Variants in ATR observed in about 807,000 individuals in gnomAD.
ATR encodes the protein serine/threonine-protein kinase ATR.
A neutral mutation model predicts 305.3 loss-of-function variants in ATR; 142 were observed. The ratio of observed to expected loss-of-function variants is 0.47; its 90% CI spans 0.41 to 0.53. The LOEUF (loss-of-function observed/expected upper bound fraction) is 0.53, where lower values mean the gene tolerates loss of function less well. Ranked by LOEUF, ATR falls within the 20% of genes least tolerant of loss-of-function variation. The pLI, the probability that ATR is intolerant of heterozygous loss-of-function variation, is 0.00. For missense variants in ATR, 2,135 were observed against 3,133.1 expected (o/e 0.68, Z 7.60); for synonymous variants, 1,050 against 1,068.1 (o/e 0.98, Z 0.33).
In ATR at chr3:142,449,369, A is replaced by C; in HGVS notation, c.*60T>G. On this transcript the variant is annotated 3_prime_UTR_variant, in exon 47 of 47. Transcript: ENST00000350721. ...TTTAGAATTGAACAGATACAACCAC[A>C]GATTCATACCAAATGCATTACTTTT... 2 of 1,492,024 alleles carry C rather than the reference A, an allele frequency of 1.3e-6. No individual in the cohort carries two copies. Among genetic ancestry groups the C allele is most frequent in the African/African-American group, 2.8e-5 (2 of 72,230 alleles). The allele number at this position is 1,492,024 out of a possible 1,614,324, so 92.4% of individuals were successfully genotyped here.
intron 23 of ATR, 105 bp downstream of exon 23, chr3:142,522,622 TA>T (rs2108394846): frequency 1.0e-6 from 1 of 977,852 alleles, no homozygotes; most frequent in Non-Finnish European, 1.6e-6. Flanking sequence ...ATAACTTTGA[TA>T]AAAGTGAGAA....
In ATR at chr3:142,562,147, T is replaced by C. The variant is rs982625483; in HGVS notation, c.1170+85A>G. On this transcript the variant is annotated intron_variant, in intron 4 of 46. Transcript: ENST00000350721. ...AATTACTATTAAAGATATTCTATTT[T>C]CTTATTATTACATTTTGCACATATG... 4 of 1,373,300 alleles carry C rather than the reference T, an allele frequency of 2.9e-6. No homozygotes were observed. The African/African-American group carries it at 5.9e-5, about 20-fold the overall frequency. The allele number at this position is 1,373,300 out of a possible 1,614,324, so 85.1% of individuals were successfully genotyped here.
At chr3:142,469,298 A>G (rs1286230746) in intron 38 of ATR, 39 bp downstream of exon 38, 1 of 1,529,692 alleles carries the variant, frequency 6.5e-7, no homozygotes, top group South Asian at 1.1e-5. Context: ...TAAAATGGTA[A>G]AAGATCTTTT....
At chr3:142,462,226 T>A (rs980063804) in intron 41 of ATR, 136 bp from the exon 42 acceptor site, 2 of 834,044 alleles carry the variant, frequency 2.4e-6, no homozygotes, top group Non-Finnish European at 3.7e-6. Context: ...TATACATGAA[T>A]AATTCTTCTG....
rs762471597 is a variant in ATR, at chr3:142,561,431, TA to T, written c.1171-11del. ...GTGGGCCCAACAAGTACTGAGAAAA[TA>T]AAAAATAATTTCCAGAAATATTCCT... On this transcript the variant is annotated splice_polypyrimidine_tract_variant and intron_variant, in intron 4 of 46. Coordinates refer to ENST00000350721, the MANE Select transcript of ATR (RefSeq NM_001184.4). 46 of 1,607,826 alleles carry T rather than the reference TA, an allele frequency of 2.9e-5. No individual in the cohort carries two copies. In the East Asian group the frequency reaches 9.4e-4, roughly 33 times the overall value.
Position 142,469,326 on chromosome 3 carries a change from G to C in ATR, c.6552+11C>G, listed in dbSNP as rs774827385. 1.5e-5 allele frequency: 24 copies of C among 1,598,518 alleles called. No homozygotes were observed. Among genetic ancestry groups the C allele is most frequent in the Non-Finnish European group, 2.1e-5 (24 of 1,167,150 alleles). ...GATCTTTTCATATAAAAAGGTAAAA[G>C]ACCCTTTTACCTTTGACACAGCTGT... On this transcript the variant is annotated intron_variant, in intron 38 of 46. Coordinates refer to ENST00000350721, the MANE Select transcript of ATR (RefSeq NM_001184.4).
chr3:142,540,226 T>C (rs758543413), intron 18 of ATR, among the ~76,000 whole-genome samples: 18 of 152,058 alleles, frequency 1.2e-4, no homozygotes, highest in African/African-American at 4.3e-4. Flanking sequence ...AATGTGTGAG[T>C]AGAGAATTTA....
At chr3:142,459,178 A>G (rs2108261009) in intron 43 of ATR, 49 bp downstream of exon 43, 2 of 1,612,224 alleles carry the variant, frequency 1.2e-6, no homozygotes, top group Non-Finnish European at 1.7e-6. Flanking sequence ...CTAAAATATT[A>G]AAAATAAACA....
chr3:142,506,678 C>T (rs867500845), intron 28 of ATR, among the ~76,000 whole-genome samples: 1 of 151,842 alleles, frequency 6.6e-6, no homozygotes, highest in Non-Finnish European at 1.5e-5. Flanking sequence ...TAGAGCAAGA[C>T]CCTATCTCAA....
chr3:142,533,952 C>T (rs984494494), intron 21 of ATR, among the ~76,000 whole-genome samples: 36 of 151,182 alleles, frequency 2.4e-4, no homozygotes, highest in African/African-American at 8.9e-4. Flanking sequence ...AAGAAATCTT[C>T]TTGAATTCTC....
At chr3:142,503,297 T>C (rs2032073674) in intron 30 of ATR, 65 bp downstream of exon 30, 2 of 1,132,328 alleles carry the variant, frequency 1.8e-6, no homozygotes, top group Admixed American at 3.5e-5. Flanking sequence ...AATTACCCAA[T>C]TCACTAACTA....
In ATR at chr3:142,560,363, C is replaced by G. The variant is rs2108482978; in HGVS notation, c.1441G>C (p.Gly481Arg). 3 of 1,613,716 alleles carry G rather than the reference C, an allele frequency of 1.9e-6. No homozygotes were observed. Among genetic ancestry groups the G allele is most frequent in the Non-Finnish European group, 2.5e-6 (3 of 1,179,772 alleles). ...ESLQISLEYS[G>R]LKNPVIEMLE... is the part of the protein sequence containing the mutation. ...ATCTCAATAACAGGATTCTTTAGGCCACTGTATTCAAGGGAAATCTGAAGG... is the reference window on the plus strand; with the variant it reads ...ATCTCAATAACAGGATTCTTTAGGCGACTGTATTCAAGGGAAATCTGAAGG... The change falls in exon 6 of 47, where the codon GGC (glycine) becomes CGC (arginine). Residue 481 changes from glycine to arginine, a missense_variant. Gly to Arg is a moderately radical substitution (Grantham distance 125). Coordinates refer to ENST00000350721, the MANE Select transcript of ATR (RefSeq NM_001184.4).
intron 36 of ATR, among the ~76,000 whole-genome samples, chr3:142,480,059 G>C (rs1157254289): frequency 6.6e-6 from 1 of 152,128 alleles, no homozygotes; most frequent in African/African-American, 2.4e-5. Flanking sequence ...GGAGAAGTTT[G>C]ATCATCTGAA....
chr3:142,449,412 T>C lies in ATR; in HGVS notation c.*17A>G. The C allele has an allele frequency of 1.9e-6, 3 of 1,584,006 alleles. No homozygotes were observed. The highest frequency in any genetic ancestry group is 1.7e-6 in the Non-Finnish European group (2 of 1,152,758). On this transcript the variant is annotated 3_prime_UTR_variant, in exon 47 of 47. Coordinates refer to ENST00000350721, the MANE Select transcript of ATR (RefSeq NM_001184.4). The stretch of plus-strand genomic sequence containing the variant: ...TTACTTTTAGATTATTAACATATTC[T>C]TTTACATAATTTCATTTCACATATA...
At chr3:142,451,375 A>G in intron 46 of ATR, 2 of 1,403,466 alleles carry the variant, frequency 1.4e-6, no homozygotes, top group Admixed American at 4.5e-5. Flanking sequence ...TTTTACATAC[A>G]TAACATGGGT....
chr3:142,449,916 TAAAC>T (rs2070747473), intron 46 of ATR: 1 of 401,534 alleles, frequency 2.5e-6, no homozygotes, highest in African/African-American at 2.0e-5. Flanking sequence ...GTTTAGGACT[TAAAC>T]ATTTCAATGA....
In ATR at chr3:142,562,653, C is replaced by G. The variant is rs2108487809; in HGVS notation, c.749G>C (p.Ser250Thr). ...GSPKIKSLAISFLTELFQLGG... is the reference protein window; with the variant it reads ...GSPKIKSLAITFLTELFQLGG... The stretch of plus-strand genomic sequence containing the variant: ...AAGCTGAAAAAGTTCTGTTAAAAAG[C>G]TAATTGCTAGGGATTTAATTTTTGG... The change falls in exon 4 of 47, where the codon AGC becomes ACC. Residue 250 changes from serine (S) to threonine (T), a missense_variant. By Grantham distance (58) the Ser-to-Thr change is moderately conservative. This residue lies in a region of ATR where 744 missense variants were observed against 873.2 expected (regional missense o/e 0.85). Transcript: ENST00000350721. The G allele has an allele frequency of 6.2e-7, 1 of 1,614,030 alleles. No individual in the cohort carries two copies. The highest frequency in any genetic ancestry group is 8.5e-7 in the Non-Finnish European group (1 of 1,179,978).
chr3:142,540,351 AAAACATCTCTGATACATAC>A (rs1170285746), intron 18 of ATR, among the ~76,000 whole-genome samples: 4 of 152,160 alleles, frequency 2.6e-5, no homozygotes, highest in Non-Finnish European at 4.4e-5. Flanking sequence ...CATCTCTGGA[AAAACATCTCTGATACATAC>A]AAACATCTCT....
chr3:142,465,089 C>T lies in ATR; in HGVS notation c.7041+8G>A, dbSNP rs201106004. The T allele has an allele frequency of 1.2e-3, 1,849 of 1,493,560 alleles. 2 individuals are homozygous for T. Among genetic ancestry groups the T allele is most frequent in the Non-Finnish European group, 1.5e-3 (1,641 of 1,117,952 alleles). The allele number at this position is 1,493,560 out of a possible 1,614,324, so 92.5% of individuals were successfully genotyped here. ...AATAAATAAAATAAAAGCAAACTAT[C>T]TCCCAACCTTATTAATCAAGGAATT... On this transcript the variant is annotated splice_region_variant and intron_variant, in intron 41 of 46. Coordinates refer to ENST00000350721, the MANE Select transcript of ATR (RefSeq NM_001184.4).
Sources: allele counts gnomAD v4.1 joint callset (sites outside exome capture counted in the v4.1 genomes callset), GRCh38; gene constraint gnomAD v4.1.1; regional missense constraint gnomAD v4.1.1; transcripts MANE v1.5; gene names NCBI Gene and HGNC (gene_info 2026-07-23, HGNC 2026-07-21).